TMEM95: variants seen among roughly 807,000 people sequenced by gnomAD.
TMEM95 encodes transmembrane protein 95.
TMEM95 carries 21 observed loss-of-function variants against 27.7 expected under a neutral mutation model. The ratio of observed to expected loss-of-function variants is 0.76; its 90% CI spans 0.54 to 1.09. The LOEUF (loss-of-function observed/expected upper bound fraction) is 1.09. TMEM95 is among the 50% of genes least tolerant of loss of function. The pLI is 0.00. For synonymous variants in TMEM95, 77 were observed against 85.7 expected (o/e 0.90, Z 0.56); for missense variants, 203 against 217.9 (o/e 0.93, Z 0.43).
At position 7,356,605 on chromosome 17, in the gene TMEM95, C is replaced by A. The variant is rs1357933897; in HGVS notation, c.504C>A (p.His168Gln). 2.5e-6 allele frequency: 4 copies of A among 1,611,446 alleles called. No individual in the cohort carries two copies. Among genetic ancestry groups the A allele is most frequent in the Non-Finnish European group, 3.4e-6 (4 of 1,178,730 alleles). ...CACCCTCGTCTTCCCTCAGGTCCCA[C>A]CACCTCCAAGCAAAAAGTGGCTTGT... ...LGVLSLLVES[H>Q]HLQAKSGL is the part of the protein sequence containing the mutation. The change falls in exon 7 of 7, where the codon CAC becomes CAA. Residue 168 changes from histidine to glutamine, a missense_variant. Transcript: ENST00000576060.
Position 7,355,813 on chromosome 17 carries a change from A to T in TMEM95, c.227-25A>T. On this transcript the variant is annotated intron_variant, in intron 2 of 6. Coordinates refer to ENST00000576060, the MANE Select transcript of TMEM95 (RefSeq NM_001320436.2). This position sits in a 1 kb window ranked among gnomAD's most constrained non-coding sequence, Gnocchi z 4.9. ...ACTGGCCCCGTCGAGGCCCAGGGAA[A>T]CGGAGCTGCTGTCTGCCTCCCCAGA... 6.2e-7 allele frequency: 1 copy of T among 1,612,186 alleles called. No homozygotes were observed.
intron 4 of TMEM95, 38 bp from the exon 5 acceptor site, chr17:7,356,158 C>A: frequency 1.3e-6 from 2 of 1,587,776 alleles, no homozygotes; most frequent in Admixed American, 1.7e-5. Context: ...GGAGGCCCGG[C>A]CTCCCCTCCC....
In TMEM95 at chr17:7,355,962, C is replaced by A. The variant is rs187082657; in HGVS notation, c.307+44C>A. The A allele has an allele frequency of 3.7e-6, 6 of 1,613,616 alleles. No individual in the cohort carries two copies. In the African/African-American group the frequency reaches 8.0e-5, roughly 22 times the overall value. On this transcript the variant is annotated intron_variant, in intron 3 of 6. Coordinates refer to ENST00000576060, the MANE Select transcript of TMEM95 (RefSeq NM_001320436.2). The surrounding 1 kb of genome is among the most constrained non-coding windows in gnomAD (Gnocchi z 4.9). ...CCTCAAGGGGAGCCTAGGGTCTTAACCAAAGGAATGTGTGGTGAGCAGCTC... is the reference window on the plus strand; with the variant it reads ...CCTCAAGGGGAGCCTAGGGTCTTAAACAAAGGAATGTGTGGTGAGCAGCTC...
Position 7,355,949 on chromosome 17 carries a change from C to A in TMEM95, c.307+31C>A, listed in dbSNP as rs906173488. ...GATGCGGGATGGGCCTCAAGGGGAGCCTAGGGTCTTAACCAAAGGAATGTG... is the reference window on the plus strand; with the variant it reads ...GATGCGGGATGGGCCTCAAGGGGAGACTAGGGTCTTAACCAAAGGAATGTG... On this transcript the variant is annotated intron_variant, in intron 3 of 6. Coordinates refer to ENST00000576060, the MANE Select transcript of TMEM95 (RefSeq NM_001320436.2). The surrounding 1 kb of genome is among the most constrained non-coding windows in gnomAD (Gnocchi z 4.9). 4 of 1,613,696 alleles carry A rather than the reference C, an allele frequency of 2.5e-6. No individual in the cohort carries two copies. The highest frequency in any genetic ancestry group is 2.5e-6 in the Non-Finnish European group (3 of 1,179,728).
Position 7,355,944 on chromosome 17 carries a change from G to A in TMEM95, c.307+26G>A. ...GTACCGATGCGGGATGGGCCTCAAG[G>A]GGAGCCTAGGGTCTTAACCAAAGGA... On this transcript the variant is annotated intron_variant, in intron 3 of 6. Coordinates refer to ENST00000576060, the MANE Select transcript of TMEM95 (RefSeq NM_001320436.2). The surrounding 1 kb of genome is among the most constrained non-coding windows in gnomAD (Gnocchi z 4.9). The A allele has an allele frequency of 2.5e-6, 4 of 1,613,830 alleles. No homozygotes were observed. The highest frequency in any genetic ancestry group is 3.4e-6 in the Non-Finnish European group (4 of 1,179,826).
At position 7,356,737 on chromosome 17, in the gene TMEM95, C is replaced by G. The variant is rs2073517829; in HGVS notation, c.*105C>G. The G allele has an allele frequency of 2.3e-6, 3 of 1,280,216 alleles. No homozygotes were observed. The highest frequency in any genetic ancestry group is 1.5e-5 in the African/African-American group (1 of 66,794). The allele number at this position is 1,280,216 out of a possible 1,614,324, so 79.3% of individuals were successfully genotyped here. A position where few individuals can be genotyped will look rare whatever the true frequency, so the allele number is the denominator to read the frequency against. On this transcript the variant is annotated 3_prime_UTR_variant, in exon 7 of 7. Coordinates refer to ENST00000576060, the MANE Select transcript of TMEM95 (RefSeq NM_001320436.2). ...AGCCCCTTAGTCCCAGCTCCAAAGA[C>G]AGTCTCCAGACCCTAAAACCCAGAC...
Position 7,356,830 on chromosome 17 carries a change from T to C in TMEM95, c.*198T>C. ...CCCCAAAAACCCAGATCCCCCACAA[T>C]CCCAGTGTCAGATGGCCTCCCGGGA... On this transcript the variant is annotated 3_prime_UTR_variant, in exon 7 of 7. Coordinates refer to ENST00000576060, the MANE Select transcript of TMEM95 (RefSeq NM_001320436.2). The C allele has an allele frequency of 1.6e-6, 1 of 614,532 alleles. No homozygotes were observed. Among genetic ancestry groups the C allele is most frequent in the Admixed American group, 3.4e-5 (1 of 29,632 alleles). The allele number at this position is 614,532 out of a possible 1,614,324, so 38.1% of individuals were successfully genotyped here.
chr17:7,356,005 C>G (rs779121334), intron 3 of TMEM95, 24 bp from the exon 4 acceptor site: 2 of 1,613,784 alleles, frequency 1.2e-6, no homozygotes, highest in Non-Finnish European at 1.7e-6. Flanking sequence ...CACACCCCCA[C>G]CCCTTCCTTG....
chr17:7,355,866 T>C lies in TMEM95; in HGVS notation c.255T>C (p.Pro85=), dbSNP rs1418881545. The part of the protein sequence containing the change: ...MEIKEAVSSL[P]SYWSWLRKTK... The stretch of plus-strand genomic sequence containing the variant: ...TCAAAGAGGCTGTCTCCTCACTCCC[T>C]TCATATTGGAGTTGGCTTCGAAAGA... The change falls in exon 3 of 7, where the codon CCT becomes CCC. Residue 85 remains proline (P), a synonymous_variant. Transcript: ENST00000576060. The surrounding 1 kb of genome is among the most constrained non-coding windows in gnomAD (Gnocchi z 4.9). 56 of 1,613,804 alleles carry C rather than the reference T, an allele frequency of 3.5e-5. No individual in the cohort carries two copies. The highest frequency in any genetic ancestry group is 4.7e-5 in the Non-Finnish European group (55 of 1,179,978).
rs547325332 is a variant in TMEM95, at chr17:7,355,352, G to A, written c.148G>A (p.Asp50Asn). Residue 50 changes from aspartate (D) to asparagine (N), a missense_variant, in exon 1 of 7, where the codon GAC (aspartate) becomes AAC (asparagine). By Grantham distance (23) the Asp-to-Asn change is conservative (BLOSUM62 1). Transcript: ENST00000576060. This position sits in a 1 kb window ranked among gnomAD's most constrained non-coding sequence, Gnocchi z 4.9. ...GCAGAAGGAATGTGGGGCCTCCCCA[G>A]ACTTCTCGGCCTTTGCCTTAGGTAG... ...ARQKECGASPDFSAFALDEVS... is the reference protein window; with the variant it reads ...ARQKECGASPNFSAFALDEVS... The A allele has an allele frequency of 1.2e-6, 2 of 1,613,590 alleles. No individual in the cohort carries two copies. The highest frequency in any genetic ancestry group is 2.7e-5 in the African/African-American group (2 of 75,044).
chr17:7,355,665 A>C lies in TMEM95; in HGVS notation c.226+23A>C, dbSNP rs1286116446. ...TGGGTGAGGTCAAGGGGAAAGAGTGACCTAGGGGCTTGGGAGGATACCAAG... is the reference window on the plus strand; with the variant it reads ...TGGGTGAGGTCAAGGGGAAAGAGTGCCCTAGGGGCTTGGGAGGATACCAAG... On this transcript the variant is annotated intron_variant, in intron 2 of 6. Transcript: ENST00000576060. This position sits in a 1 kb window ranked among gnomAD's most constrained non-coding sequence, Gnocchi z 4.9. 1 of 1,508,714 alleles carries C rather than the reference A, an allele frequency of 6.6e-7. No homozygotes were observed. The highest frequency in any genetic ancestry group is 2.7e-5 in the East Asian group (1 of 37,160). The allele number at this position is 1,508,714 out of a possible 1,614,324, so 93.5% of individuals were successfully genotyped here.
rs1247695512 is a variant in TMEM95 at position 7,356,694 on chromosome 17, C to T, written c.*62C>T. On this transcript the variant is annotated 3_prime_UTR_variant, in exon 7 of 7. Transcript: ENST00000576060. ...GTATGCACTCACAACTTCCACATCC[C>T]TTGGAGGGGAACCAGTCAGCCCCTT... 6.3e-6 allele frequency: 10 copies of T among 1,577,666 alleles called. No homozygotes were observed. The highest frequency in any genetic ancestry group is 1.4e-5 in the African/African-American group (1 of 73,888).
Position 7,355,953 on chromosome 17 carries a change from G to C in TMEM95, c.307+35G>C, listed in dbSNP as rs2143020654. On this transcript the variant is annotated intron_variant, in intron 3 of 6. Transcript: ENST00000576060. The surrounding 1 kb of genome is among the most constrained non-coding windows in gnomAD (Gnocchi z 4.9). ...CGGGATGGGCCTCAAGGGGAGCCTA[G>C]GGTCTTAACCAAAGGAATGTGTGGT... is the stretch of plus-strand genomic sequence containing the variant. 1 of 1,613,666 alleles carries C rather than the reference G, an allele frequency of 6.2e-7. No individual in the cohort carries two copies. The highest frequency in any genetic ancestry group is 2.2e-5 in the East Asian group (1 of 44,874).
chr17:7,355,832 C>A lies in TMEM95; in HGVS notation c.227-6C>A. ...AGGGAAACGGAGCTGCTGTCTGCCT[C>A]CCCAGAAATCAAAGAGGCTGTCTCC... On this transcript the variant is annotated splice_region_variant and splice_polypyrimidine_tract_variant and intron_variant, in intron 2 of 6. Transcript: ENST00000576060. The surrounding 1 kb of genome is among the most constrained non-coding windows in gnomAD (Gnocchi z 4.9). 6.2e-7 allele frequency: 1 copy of A among 1,613,828 alleles called. No homozygotes were observed.
At position 7,356,482 on chromosome 17, in the gene TMEM95, G is replaced by C. The variant is rs769154469; in HGVS notation, c.497+3G>C. 6.2e-7 allele frequency: 1 copy of C among 1,613,896 alleles called. No individual in the cohort carries two copies. Among genetic ancestry groups the C allele is most frequent in the Non-Finnish European group, 8.5e-7 (1 of 1,179,910 alleles). On this transcript the variant is annotated splice_donor_region_variant and intron_variant, in intron 6 of 6. Transcript: ENST00000576060. ...GGTGTTCTGAGCCTCCTGGTGGAGT[G>C]AGTTTTGGGATAAAGACAGGAATCC...
At position 7,355,785 on chromosome 17, in the gene TMEM95, G is replaced by A; in HGVS notation, c.227-53G>A. On this transcript the variant is annotated intron_variant, in intron 2 of 6. Coordinates refer to ENST00000576060, the MANE Select transcript of TMEM95 (RefSeq NM_001320436.2). This position sits in a 1 kb window ranked among gnomAD's most constrained non-coding sequence, Gnocchi z 4.9. ...AGGGAGGGGCTGCGTGAAGAGAGGG[G>A]GAACTGGCCCCGTCGAGGCCCAGGG... 6.3e-7 allele frequency: 1 copy of A among 1,590,792 alleles called. No homozygotes were observed. Among genetic ancestry groups the A allele is most frequent in the Non-Finnish European group, 8.6e-7 (1 of 1,159,538 alleles).
Position 7,355,304 on chromosome 17 carries a change from C to T in TMEM95, c.100C>T (p.Leu34Phe). 1 of 1,614,142 alleles carries T rather than the reference C, an allele frequency of 6.2e-7. No homozygotes were observed. Among genetic ancestry groups the T allele is most frequent in the Non-Finnish European group, 8.5e-7 (1 of 1,179,990 alleles). The change falls in exon 1 of 7, where the codon CTC becomes TTC. Residue 34 changes from leucine (L) to phenylalanine (F), a missense_variant. Leu to Phe is a conservative substitution (Grantham distance 22). Coordinates refer to ENST00000576060, the MANE Select transcript of TMEM95 (RefSeq NM_001320436.2). The surrounding 1 kb of genome is among the most constrained non-coding windows in gnomAD (Gnocchi z 4.9). ...AHDLSGRLAR[L>F]CSQMEARQKE... Reference sequence around the variant, plus strand: ...CGACTTGTCAGGCCGCCTGGCTCGGCTCTGCAGCCAGATGGAGGCCAGGCA... The same window carrying T: ...CGACTTGTCAGGCCGCCTGGCTCGGTTCTGCAGCCAGATGGAGGCCAGGCA...
At chr17:7,356,119 G>T in intron 4 of TMEM95, 70 bp downstream of exon 4, 1 of 1,609,230 alleles carries the variant, frequency 6.2e-7, no homozygotes, top group South Asian at 1.1e-5. Flanking sequence ...CCTGGCAGCT[G>T]CAGGAGGAAG....
Position 7,355,734 on chromosome 17 carries a change from G to C in TMEM95, c.226+92G>C, listed in dbSNP as rs893725781. ...GGGTTGGGGTGGGCAGGGAAGGGTG[G>C]AGGGGTAGAGACAGGAGGGCTGATC... On this transcript the variant is annotated intron_variant, in intron 2 of 6. Transcript: ENST00000576060. The surrounding 1 kb of genome is among the most constrained non-coding windows in gnomAD (Gnocchi z 4.9). 15 of 1,456,372 alleles carry C rather than the reference G, an allele frequency of 1.0e-5. No homozygotes were observed. The highest frequency in any genetic ancestry group is 1.3e-5 in the Non-Finnish European group (14 of 1,041,010). 90.2% of individuals were successfully genotyped at this position (1,456,372 alleles called of 1,614,324 possible). A position where few individuals can be genotyped will look rare whatever the true frequency, so the allele number is the denominator to read the frequency against.
Sources: allele counts gnomAD v4.1 joint callset, GRCh38; gene constraint gnomAD v4.1.1; non-coding constraint Gnocchi (gnomAD v3.1); transcripts MANE v1.5; gene names NCBI Gene and HGNC (gene_info 2026-07-23, HGNC 2026-07-21).